The following ASZ1 variants were observed in gnomAD, a reference collection of about 807,000 sequenced individuals.
ASZ1 encodes the protein ankyrin repeat, SAM and basic leucine zipper domain-containing protein 1.
In ASZ1, 67 loss-of-function variants were observed where a neutral mutation model predicts 61.8. That is an observed-to-expected ratio of 1.08 (90% confidence interval 0.89 to 1.33). The LOEUF (loss-of-function observed/expected upper bound fraction) is 1.33. Ranked by LOEUF, ASZ1 falls within the 40% of genes most tolerant of loss-of-function variation. ASZ1 has a pLI of 0.00. For missense variants in ASZ1, 577 were observed against 554.5 expected (o/e 1.04, Z -0.41); for synonymous variants, 193 against 192.7 (o/e 1.00, Z -0.01).
At chr7:117,426,805 T>C in intron 2 of ASZ1, 31 bp downstream of exon 2, 1 of 1,542,032 alleles carries the variant, frequency 6.5e-7, no homozygotes, top group Admixed American at 2.1e-5. Flanking sequence ...AAGACAGCTG[T>C]GTTCAGATGA....
chr7:117,396,323 A>G (rs767904526), intron 4 of ASZ1, among the ~76,000 whole-genome samples: 2 of 152,198 alleles, frequency 1.3e-5, no homozygotes, highest in Non-Finnish European at 2.9e-5. Flanking sequence ...AACAATGGTA[A>G]AACTAAAAGT....
chr7:117,384,616 G>T lies in ASZ1; in HGVS notation c.687+110C>A, dbSNP rs539866741. ...ATACATATTTAAACATTTAATAATT[G>T]CCAGATACACTATAATTACACTTTT... On this transcript the variant is annotated intron_variant, in intron 6 of 12. Transcript: ENST00000284629. The T allele has an allele frequency of 3.6e-5, 45 of 1,252,794 alleles. No individual in the cohort carries two copies. The South Asian group carries it at 6.2e-4, about 17-fold the overall frequency. The allele number at this position is 1,252,794 out of a possible 1,614,324, so 77.6% of individuals were successfully genotyped here.
At chr7:117,418,834 G>T (rs1302270374) in intron 4 of ASZ1, among the ~76,000 whole-genome samples, 1 of 151,788 alleles carries the variant, frequency 6.6e-6, no homozygotes, top group Non-Finnish European at 1.5e-5. Context: ...GGTAGTGTGT[G>T]CCTGTAGTCC....
chr7:117,418,343 G>C (rs1423736492), intron 4 of ASZ1, among the ~76,000 whole-genome samples: 1 of 152,078 alleles, frequency 6.6e-6, no homozygotes, highest in Non-Finnish European at 1.5e-5. Context: ...TACCATATAT[G>C]ACAGGATAAA....
chr7:117,385,819 A>T lies in ASZ1; in HGVS notation c.441-10T>A, dbSNP rs1373897020. 1 of 1,579,516 alleles carries T rather than the reference A, an allele frequency of 6.3e-7. No individual in the cohort carries two copies. The highest frequency in any genetic ancestry group is 8.7e-7 in the Non-Finnish European group (1 of 1,150,616). On this transcript the variant is annotated splice_polypyrimidine_tract_variant and intron_variant, in intron 4 of 12. Coordinates refer to ENST00000284629, the MANE Select transcript of ASZ1 (RefSeq NM_130768.3). ...TGGGGTCATAAGTCTCCTAAGGAGGAGGAAGAAAGGAAACATTTGTGTTAA... is the reference window on the plus strand; with the variant it reads ...TGGGGTCATAAGTCTCCTAAGGAGGTGGAAGAAAGGAAACATTTGTGTTAA...
At chr7:117,411,874 C>T (rs1796896012) in intron 4 of ASZ1, among the ~76,000 whole-genome samples, 2 of 151,604 alleles carry the variant, frequency 1.3e-5, no homozygotes, top group African/African-American at 4.8e-5. Flanking sequence ...CTCTTAACCA[C>T]CATATAAAAT....
At chr7:117,406,369 G>C (rs1796781709) in intron 4 of ASZ1, among the ~76,000 whole-genome samples, 2 of 152,152 alleles carry the variant, frequency 1.3e-5, no homozygotes, top group South Asian at 4.1e-4. Flanking sequence ...ATAGAGGATG[G>C]AATGAAGAGA....
At chr7:117,424,063 T>A (rs1797152018) in intron 2 of ASZ1, among the ~76,000 whole-genome samples, 1 of 152,090 alleles carries the variant, frequency 6.6e-6, no homozygotes, top group African/African-American at 2.4e-5. Context: ...ACTATATTGT[T>A]TAGGGACATA....
At chr7:117,369,926 C>T (rs1022780984) in intron 10 of ASZ1, among the ~76,000 whole-genome samples, 6 of 152,020 alleles carry the variant, frequency 3.9e-5, no homozygotes, top group African/African-American at 1.2e-4. Context: ...CAAATGTTTC[C>T]GTATCTCTAG....
intron 3 of ASZ1, among the ~76,000 whole-genome samples, chr7:117,420,845 A>G (rs927073518): frequency 3.3e-5 from 5 of 152,208 alleles, no homozygotes; most frequent in Non-Finnish European, 1.5e-5. Context: ...AACACAAAAA[A>G]CACCTATTTT....
At chr7:117,411,667 T>C (rs192683869) in intron 4 of ASZ1, among the ~76,000 whole-genome samples, 3 of 151,936 alleles carry the variant, frequency 2.0e-5, no homozygotes, top group African/African-American at 2.4e-5. Context: ...ATTATCATCG[T>C]TATGGCAAAC....
At chr7:117,420,380 C>T in intron 3 of ASZ1, 106 bp from the exon 4 acceptor site, 1 of 674,394 alleles carries the variant, frequency 1.5e-6, no homozygotes, top group Non-Finnish European at 2.3e-6. Context: ...AACTCTATAA[C>T]CTCTTCCCAA....
chr7:117,382,008 T>C, intron 8 of ASZ1, 61 bp downstream of exon 8: 5 of 1,082,318 alleles, frequency 4.6e-6, no homozygotes, highest in Non-Finnish European at 5.6e-6. Flanking sequence ...ATATCTAACA[T>C]TATATTAACC....
intron 4 of ASZ1, among the ~76,000 whole-genome samples, chr7:117,397,802 C>T (rs920875299): frequency 2.6e-5 from 4 of 151,424 alleles, no homozygotes. Context: ...CTCTGTTCCA[C>T]TAAGTCTCAG....
chr7:117,404,032 A>G (rs530445651), intron 4 of ASZ1, among the ~76,000 whole-genome samples: 3 of 152,174 alleles, frequency 2.0e-5, no homozygotes, highest in Non-Finnish European at 4.4e-5. Context: ...GTCTTAGGAA[A>G]AACTGTCTTC....
intron 4 of ASZ1, among the ~76,000 whole-genome samples, chr7:117,387,311 C>CAACA (rs927271922): frequency 1.4e-4 from 12 of 85,654 alleles, no homozygotes; most frequent in African/African-American, 1.0e-3. Flanking sequence ...CCTGTCTCAA[C>CAACA]AACAACAACA....
chr7:117,370,832 G>A (rs1796036920), intron 10 of ASZ1, among the ~76,000 whole-genome samples: 1 of 151,324 alleles, frequency 6.6e-6, no homozygotes, highest in Non-Finnish European at 1.5e-5. Flanking sequence ...GTGTGTGTGT[G>A]TGTGTGTGTG....
intron 10 of ASZ1, among the ~76,000 whole-genome samples, chr7:117,373,097 T>C (rs989876018): frequency 2.0e-5 from 3 of 152,132 alleles, no homozygotes; most frequent in Non-Finnish European, 4.4e-5. Context: ...TTTGAGATGC[T>C]TCTGACACCT....
intron 10 of ASZ1, among the ~76,000 whole-genome samples, chr7:117,379,515 T>C (rs1285566969): frequency 6.6e-6 from 1 of 151,802 alleles, no homozygotes; most frequent in Non-Finnish European, 1.5e-5. Flanking sequence ...TAACATAATT[T>C]CTCATACAGT....
Sources: allele counts gnomAD v4.1 joint callset (sites outside exome capture counted in the v4.1 genomes callset), GRCh38; gene constraint gnomAD v4.1.1; transcripts MANE v1.5; gene names NCBI Gene and HGNC (gene_info 2026-07-23, HGNC 2026-07-21).